ASAP1: variants seen among roughly 807,000 people sequenced by gnomAD.
ASAP1 encodes ArfGAP with SH3 domain, ankyrin repeat and PH domain 1.
ASAP1 carries 43 observed loss-of-function variants against 145.2 expected under a neutral mutation model. The ratio of observed to expected loss-of-function variants is 0.30; its 90% CI spans 0.23 to 0.38. The LOEUF is 0.38. Among genes scored for constraint, ASAP1 ranks in the 10% least tolerant of loss-of-function variants. ASAP1 has a pLI of 1.00. For synonymous variants in ASAP1, 546 were observed against 515.5 expected (o/e 1.06, Z -0.80); for missense variants, 1,018 against 1,355.3 (o/e 0.75, Z 3.91).
At chr8:130,394,278 G>C (rs1219337643) in intron 2 of ASAP1, among the ~76,000 whole-genome samples, 1 of 152,184 alleles carries the variant, frequency 6.6e-6, no homozygotes, top group Admixed American at 6.5e-5. Flanking sequence ...CCCTGAGAAA[G>C]AGAATGCGCC....
intron 11 of ASAP1, chr8:130,160,798 G>C: frequency 7.8e-7 from 1 of 1,283,850 alleles, no homozygotes; most frequent in Non-Finnish European, 1.0e-6. Flanking sequence ...CCTAGACTTC[G>C]ATCAGGAAGG....
At chr8:130,202,826 C>T (rs1326681740) in intron 5 of ASAP1, among the ~76,000 whole-genome samples, 1 of 152,118 alleles carries the variant, frequency 6.6e-6, no homozygotes, top group African/African-American at 2.4e-5. Flanking sequence ...TGCCAATTTT[C>T]TGAATTTTCA....
At chr8:130,388,694 C>T (rs536724337) in intron 2 of ASAP1, among the ~76,000 whole-genome samples, 4 of 152,154 alleles carry the variant, frequency 2.6e-5, no homozygotes, top group Non-Finnish European at 4.4e-5. Flanking sequence ...AAAAGAAAAC[C>T]GTGTTTTTAG....
Position 130,193,347 on chromosome 8 carries a change from T to C in ASAP1, c.406-5164A>G, listed in dbSNP as rs181641413. On this transcript the variant is annotated intron_variant, in intron 5 of 29. Transcript: ENST00000518721. ...TTGTGCCACTGCACTCCAGCCTGGG[T>C]GACAGAGCAAGACTCCATCTAAAAA... Among the ~76,000 whole-genome samples, 16 of 151,362 alleles carry C rather than the reference T, an allele frequency of 1.1e-4. No individual in the cohort carries two copies. The East Asian group carries it at 3.1e-3, about 30-fold the overall frequency.
At chr8:130,153,950 C>G (rs999415822) in intron 12 of ASAP1, among the ~76,000 whole-genome samples, 1 of 152,080 alleles carries the variant, frequency 6.6e-6, no homozygotes, top group African/African-American at 2.4e-5. Flanking sequence ...TCCCAGCACT[C>G]TGGGAGGCTG....
At chr8:130,331,244 A>C (rs980387885) in intron 3 of ASAP1, among the ~76,000 whole-genome samples, 10 of 152,132 alleles carry the variant, frequency 6.6e-5, no homozygotes, top group Non-Finnish European at 1.5e-5. Flanking sequence ...CCCTTAGACC[A>C]TTCTCTGGAA....
At chr8:130,267,160 A>C (rs1285906396) in intron 3 of ASAP1, among the ~76,000 whole-genome samples, 1 of 151,918 alleles carries the variant, frequency 6.6e-6, no homozygotes, top group Non-Finnish European at 1.5e-5. Context: ...ACAAAAAAAA[A>C]CTAGTACAGC....
intron 13 of ASAP1, among the ~76,000 whole-genome samples, chr8:130,147,687 T>A (rs72722355): frequency 0.053 from 8,139 of 152,254 alleles, 287 homozygotes; most frequent in Middle Eastern, 0.079. Flanking sequence ...TACAATAAGA[T>A]CCTGAATGGG....
intron 5 of ASAP1, among the ~76,000 whole-genome samples, chr8:130,188,723 C>CAAAAAAAAAAAAAAAAA (rs370580190): frequency 5.7e-4 from 48 of 83,830 alleles, no homozygotes; most frequent in Non-Finnish European, 7.8e-4. Context: ...GAGACTCTCT[C>CAAAAAAAAAAAAAAAAA]AAAAAAAAAA....
At chr8:130,194,062 A>G (rs1565074989) in intron 5 of ASAP1, among the ~76,000 whole-genome samples, 2 of 152,116 alleles carry the variant, frequency 1.3e-5, no homozygotes, top group Admixed American at 6.6e-5. Flanking sequence ...AAGAATTAAG[A>G]ATTTCTCCGT....
chr8:130,156,116 TA>T, intron 12 of ASAP1, among the ~76,000 whole-genome samples: 1 of 152,352 alleles, frequency 6.6e-6, no homozygotes, highest in Non-Finnish European at 1.5e-5. Flanking sequence ...CTCTGGTCCA[TA>T]AAGTTTTAAA....
intron 2 of ASAP1, among the ~76,000 whole-genome samples, chr8:130,383,380 A>G (rs934704278): frequency 3.9e-5 from 6 of 152,202 alleles, no homozygotes; most frequent in Non-Finnish European, 8.8e-5. Flanking sequence ...AGGAGTCTGT[A>G]AGCACAGAAC....
intron 3 of ASAP1, among the ~76,000 whole-genome samples, chr8:130,278,085 A>AAT (rs1821026281): frequency 6.6e-6 from 1 of 152,114 alleles, no homozygotes; most frequent in African/African-American, 2.4e-5. Flanking sequence ...AAAAAAAAAA[A>AAT]ATCAAAGGGC....
At chr8:130,276,728 A>ACTCTCTCTCTCTCT (rs10678909) in intron 3 of ASAP1, among the ~76,000 whole-genome samples, 61 of 87,308 alleles carry the variant, frequency 7.0e-4, no homozygotes, top group South Asian at 6.4e-3. Flanking sequence ...ACACACACAC[A>ACTCTCTCTCTCTCT]CTCTCTCTCT....
chr8:130,103,390 A>C (rs1490418155), intron 24 of ASAP1, among the ~76,000 whole-genome samples: 4 of 151,804 alleles, frequency 2.6e-5, no homozygotes, highest in African/African-American at 4.8e-5. Flanking sequence ...TTTCAGTTGC[A>C]ACTTTATATA....
At chr8:130,331,735 A>G (rs1824703508) in intron 3 of ASAP1, among the ~76,000 whole-genome samples, 1 of 152,214 alleles carries the variant, frequency 6.6e-6, no homozygotes, top group Admixed American at 6.5e-5. Context: ...TATTAGCAAC[A>G]TTAAAAATAC....
At chr8:130,384,570 G>A (rs1025434267) in intron 2 of ASAP1, among the ~76,000 whole-genome samples, 1 of 152,192 alleles carries the variant, frequency 6.6e-6, no homozygotes, top group Non-Finnish European at 1.5e-5. Flanking sequence ...CCTCCCCCTC[G>A]CCGGTTCAAG....
intron 3 of ASAP1, among the ~76,000 whole-genome samples, chr8:130,278,391 A>G (rs1821050500): frequency 6.6e-6 from 1 of 152,202 alleles, no homozygotes; most frequent in Admixed American, 6.5e-5. Flanking sequence ...AAAAAAAAGA[A>G]AAAGAAAATA....
intron 5 of ASAP1, among the ~76,000 whole-genome samples, chr8:130,198,856 A>G (rs1337029862): frequency 6.6e-6 from 1 of 152,140 alleles, no homozygotes; most frequent in Non-Finnish European, 1.5e-5. Context: ...CTTAAAACCC[A>G]TCATTGGCTT....
Sources: allele counts gnomAD v4.1 joint callset (sites outside exome capture counted in the v4.1 genomes callset), GRCh38; gene constraint gnomAD v4.1.1; transcripts MANE v1.5; gene names NCBI Gene and HGNC (gene_info 2026-07-23, HGNC 2026-07-21).